The following RET variants were observed in gnomAD, a reference collection of about 807,000 sequenced individuals.
RET encodes the protein proto-oncogene tyrosine-protein kinase receptor Ret.
In RET, 19 loss-of-function variants were observed where a neutral mutation model predicts 118.3. That is an observed-to-expected ratio of 0.16 (90% CI 0.11 to 0.24). RET has a LOEUF of 0.24. RET is among the 10% of genes least tolerant of loss of function. RET has a pLI of 1.00. For synonymous variants in RET, 597 were observed against 644.1 expected, an observed-to-expected ratio of 0.93 and a Z score of 1.11; for missense variants, 1,219 against 1,502.1, an observed-to-expected ratio of 0.81 and a Z score of 3.12.
intron 3 of RET, 96 bp downstream of exon 3, chr10:43,102,725 C>T: frequency 6.9e-7 from 1 of 1,450,862 alleles, no homozygotes; most frequent in South Asian, 1.2e-5. Flanking sequence ...TATTCTTCAC[C>T]TTCATGCCAT....
intron 1 of RET, among the ~76,000 whole-genome samples, chr10:43,092,077 A>G (rs564319562): frequency 2.6e-5 from 4 of 152,352 alleles, no homozygotes; most frequent in African/African-American, 9.6e-5. Flanking sequence ...CACAAAGAGG[A>G]AGTTACCCAA....
intron 1 of RET, among the ~76,000 whole-genome samples, chr10:43,098,108 T>G (rs529678412): frequency 6.6e-6 from 1 of 152,330 alleles, no homozygotes; most frequent in East Asian, 1.9e-4. Flanking sequence ...TGATTTACAA[T>G]GTAACTATTT....
At position 43,111,419 on chromosome 10, in the gene RET, C is replaced by G. The variant is rs758249079; in HGVS notation, c.1476C>G (p.Thr492=). 95 of 1,613,766 alleles carry G rather than the reference C, an allele frequency of 5.9e-5. No homozygotes were observed. The highest frequency in any genetic ancestry group is 7.8e-5 in the Non-Finnish European group (92 of 1,180,018). Residue 492 remains threonine (T), a synonymous_variant, in exon 7 of 20, where the codon ACC becomes ACG. Coordinates refer to ENST00000355710, the MANE Select transcript of RET (RefSeq NM_020975.6). ...HYMVVATDQQ[T]SRQAQAQLLV... ...TGGTGGTGGCCACCGACCAGCAGAC[C>G]TCTAGGCAGGCCCAGGCCCAGCTGC...
intron 13 of RET, among the ~76,000 whole-genome samples, chr10:43,119,253 G>C (rs545137369): frequency 6.6e-6 from 1 of 152,330 alleles, no homozygotes; most frequent in African/African-American, 2.4e-5. Flanking sequence ...TCAGGGAGGG[G>C]TGCCTCCCAG....
At chr10:43,100,900 G>A (rs1362086984) in intron 2 of RET, among the ~76,000 whole-genome samples, 178 bp downstream of exon 2, 2 of 152,226 alleles carry the variant, frequency 1.3e-5, no homozygotes, top group Non-Finnish European at 2.9e-5. Flanking sequence ...GAGAAGCCAG[G>A]ACAAGCTTCA....
Position 43,128,425 on chromosome 10 carries a change from G to A in RET, c.*156G>A. 6 of 842,814 alleles carry A rather than the reference G, an allele frequency of 7.1e-6. No homozygotes were observed. The South Asian group carries it at 8.7e-5, about 12-fold the overall frequency. 52.2% of individuals were successfully genotyped at this position (842,814 alleles called of 1,614,324 possible). Reference sequence around the variant, plus strand: ...TTGGTAGTTTGTTTTAACTTCCAAGGTGGTTTTACTTCTGATAGCCGGTGA... The same window carrying A: ...TTGGTAGTTTGTTTTAACTTCCAAGATGGTTTTACTTCTGATAGCCGGTGA... On this transcript the variant is annotated 3_prime_UTR_variant, in exon 20 of 20. Transcript: ENST00000355710.
intron 19 of RET, 45 bp from the exon 20 acceptor site, chr10:43,128,066 GT>G: frequency 6.2e-7 from 1 of 1,609,402 alleles, no homozygotes; most frequent in Non-Finnish European, 8.5e-7. Context: ...TGCACTTGAA[GT>G]TTTGGTTCTT....
intron 17 of RET, 32 bp downstream of exon 17, chr10:43,123,840 C>T: frequency 3.1e-6 from 5 of 1,613,612 alleles, no homozygotes; most frequent in Non-Finnish European, 4.2e-6. Flanking sequence ...CCCAGCCTCA[C>T]TTGGGAAGGG....
rs1838394724 is a variant in RET at position 43,129,068 on chromosome 10, CT to C, written c.*800del. The C allele has an allele frequency of 4.3e-6, 1 of 233,860 alleles. No homozygotes were observed. Among genetic ancestry groups the C allele is most frequent in the Non-Finnish European group, 8.4e-6 (1 of 118,360 alleles). 14.5% of individuals were successfully genotyped at this position (233,860 alleles called of 1,614,324 possible). A position where few individuals can be genotyped will look rare whatever the true frequency, so the allele number is the denominator to read the frequency against. On this transcript the variant is annotated 3_prime_UTR_variant, in exon 20 of 20. Coordinates refer to ENST00000355710, the MANE Select transcript of RET (RefSeq NM_020975.6). Reference sequence around the variant, plus strand: ...GTTCGGTACTGAGCAGCCACTACCCCTGATGAGAACAGTATGAAGAAAGGGG... The same window carrying C: ...GTTCGGTACTGAGCAGCCACTACCCCGATGAGAACAGTATGAAGAAAGGGG...
In RET at chr10:43,130,068, A is replaced by G. The variant is rs1244567860; in HGVS notation, c.*1799A>G. On this transcript the variant is annotated 3_prime_UTR_variant, in exon 20 of 20. Coordinates refer to ENST00000355710, the MANE Select transcript of RET (RefSeq NM_020975.6). ...CCAGGTCTAAACAGCTGACCCAGTG[A>G]TGGGGAATTTATCCTTGACCAATTT... 5 of 398,506 alleles carry G rather than the reference A, an allele frequency of 1.3e-5. No individual in the cohort carries two copies. The highest frequency in any genetic ancestry group is 2.2e-5 in the Non-Finnish European group (5 of 226,058). The allele number at this position is 398,506 out of a possible 1,614,324, so 24.7% of individuals were successfully genotyped here.
chr10:43,119,574 G>T lies in RET; in HGVS notation c.2436G>T (p.Leu812=). The part of the protein sequence containing the change: ...LIVEYAKYGS[L]RGFLRESRKV... Reference sequence around the variant, plus strand: ...TGGAGTACGCCAAATACGGCTCCCTGCGGGGCTTCCTCCGCGAGAGCCGCA... The same window carrying T: ...TGGAGTACGCCAAATACGGCTCCCTTCGGGGCTTCCTCCGCGAGAGCCGCA... Residue 812 remains leucine, a synonymous_variant, in exon 14 of 20, where the codon CTG becomes CTT. Transcript: ENST00000355710. 6.2e-7 allele frequency: 1 copy of T among 1,610,570 alleles called. No homozygotes were observed. Among genetic ancestry groups the T allele is most frequent in the Non-Finnish European group, 8.5e-7 (1 of 1,179,516 alleles).
chr10:43,088,860 G>C (rs1254478273), intron 1 of RET, among the ~76,000 whole-genome samples: 3 of 152,168 alleles, frequency 2.0e-5, no homozygotes, highest in Non-Finnish European at 4.4e-5. Flanking sequence ...TCTCCAACCA[G>C]CATTCACCTC....
intron 4 of RET, among the ~76,000 whole-genome samples, chr10:43,105,459 GCGGGCGCGGCGCGCTGCC>G (rs1053256792): frequency 1.1e-4 from 16 of 152,144 alleles, no homozygotes; most frequent in Admixed American, 3.9e-4. Context: ...GCCGCTGCAG[GCGGGCGCGGCGCGCTGCC>G]CGGGCGGGGA....
At chr10:43,110,822 C>T (rs1837899178) in intron 6 of RET, among the ~76,000 whole-genome samples, 1 of 152,114 alleles carries the variant, frequency 6.6e-6, no homozygotes, top group Non-Finnish European at 1.5e-5. Context: ...TGGGAGCAGC[C>T]AGGGAGGAGC....
At chr10:43,098,421 CTT>C (rs36075879) in intron 1 of RET, among the ~76,000 whole-genome samples, 33 of 129,724 alleles carry the variant, frequency 2.5e-4, no homozygotes, top group East Asian at 2.2e-4. Flanking sequence ...GATTTTCCTC[CTT>C]TTTTTTTTTT....
chr10:43,079,353 A>G (rs1379021191), intron 1 of RET, among the ~76,000 whole-genome samples: 1 of 152,204 alleles, frequency 6.6e-6, no homozygotes, highest in East Asian at 1.9e-4. Flanking sequence ...CCACGTGTGT[A>G]TATAGGGACA....
chr10:43,128,386 T>G lies in RET; in HGVS notation c.*117T>G, dbSNP rs1290154987. The G allele has an allele frequency of 9.6e-6, 12 of 1,244,228 alleles. No individual in the cohort carries two copies. The South Asian group carries it at 1.5e-4, about 15-fold the overall frequency. The allele number at this position is 1,244,228 out of a possible 1,614,324, so 77.1% of individuals were successfully genotyped here. ...GGCCGAGCCGTGTTCAGTTCCCAGGTGGCAGACTCGTTTTTGGTAGTTTGT... is the reference window on the plus strand; with the variant it reads ...GGCCGAGCCGTGTTCAGTTCCCAGGGGGCAGACTCGTTTTTGGTAGTTTGT... On this transcript the variant is annotated 3_prime_UTR_variant, in exon 20 of 20. Coordinates refer to ENST00000355710, the MANE Select transcript of RET (RefSeq NM_020975.6).
chr10:43,091,156 G>T (rs890291323), intron 1 of RET, among the ~76,000 whole-genome samples: 3 of 152,120 alleles, frequency 2.0e-5, no homozygotes, highest in African/African-American at 7.2e-5. Flanking sequence ...AAGAATGGAT[G>T]AATTGGGCTA....
At chr10:43,121,146 G>A (rs563157965) in intron 15 of RET, among the ~76,000 whole-genome samples, 1 of 152,324 alleles carries the variant, frequency 6.6e-6, no homozygotes, top group Non-Finnish European at 1.5e-5. Context: ...GAGCCTTCCT[G>A]TTGATGCACT....
Sources: allele counts gnomAD v4.1 joint callset (sites outside exome capture counted in the v4.1 genomes callset), GRCh38; gene constraint gnomAD v4.1.1; transcripts MANE v1.5; gene names NCBI Gene and HGNC (gene_info 2026-07-23, HGNC 2026-07-21).